Variants in SULT6B1 observed in about 807,000 individuals in gnomAD.
The protein encoded by SULT6B1 is sulfotransferase 6B1.
Under a neutral mutation model 37.2 loss-of-function variants are expected in SULT6B1, and 44 were observed. The observed-to-expected ratio is 1.18, with a 90% CI of 0.93 to 1.52. The LOEUF is 1.52. Among genes scored for constraint, SULT6B1 ranks in the 40% most tolerant of loss-of-function variants. The pLI, the probability that SULT6B1 is intolerant of heterozygous loss-of-function variation, is 0.00. For synonymous variants in SULT6B1, 140 were observed against 126.0 expected (o/e 1.11, Z -0.74); for missense variants, 450 against 361.0 (o/e 1.25, Z -2.00).
At chr2:37,179,605 T>A in intron 3 of SULT6B1, 21 bp from the exon 4 acceptor site, 1 of 1,606,954 alleles carries the variant, frequency 6.2e-7, no homozygotes, top group Non-Finnish European at 8.5e-7. Flanking sequence ...AAAATTGAGT[T>A]AATTTATTTG....
chr2:37,179,519 G>A lies in SULT6B1; in HGVS notation c.468C>T (p.Val156=). The part of the protein sequence containing the change: ...AVSFLHFHND[V]PDIPSYGSWD... ...AAGAGCCATAGCTTGGAATATCGGG[G>A]ACATCGTTGTGGAAATGCAAAAAAG... is the stretch of plus-strand genomic sequence containing the variant. Residue 156 remains valine, a synonymous_variant, in exon 4 of 7, where the codon GTC becomes GTT. Coordinates refer to ENST00000535679, the MANE Select transcript of SULT6B1 (RefSeq NM_001367551.1). 1 of 1,613,958 alleles carries A rather than the reference G, an allele frequency of 6.2e-7. No homozygotes were observed. The highest frequency in any genetic ancestry group is 8.5e-7 in the Non-Finnish European group (1 of 1,179,920).
chr2:37,179,363 T>C, intron 4 of SULT6B1, 95 bp downstream of exon 4: 1 of 1,527,972 alleles, frequency 6.5e-7, no homozygotes, highest in Middle Eastern at 1.7e-4. Context: ...CAGATCTACC[T>C]AAATCTTCTT....
rs11569745 is a variant in SULT6B1 at position 37,179,411 on chromosome 2, G to A, written c.529+47C>T. The stretch of plus-strand genomic sequence containing the variant: ...AACACATTTGGGTTTTCACATTTAT[G>A]TGGTCATCTGATCAAGTAAGAATAA... On this transcript the variant is annotated intron_variant, in intron 4 of 6. Transcript: ENST00000535679. 39 of 1,606,780 alleles carry A rather than the reference G, an allele frequency of 2.4e-5. No individual in the cohort carries two copies. The African/African-American group carries it at 3.5e-4, about 14-fold the overall frequency.
rs35100458 is a variant in SULT6B1 at position 37,174,227 on chromosome 2, CTTTTTTTTTT to C, written c.624+895_624+904del. On this transcript the variant is annotated intron_variant, in intron 5 of 6. Transcript: ENST00000535679. ...TAAGGTCTCTCCTAATCTTCCTATTCTTTTTTTTTTTTTTTTTTTTTTTTTGATACAGGAT... is the reference window on the plus strand; with the variant it reads ...TAAGGTCTCTCCTAATCTTCCTATTCTTTTTTTTTTTTTTTGATACAGGAT... Among the ~76,000 whole-genome samples the C allele has an allele frequency of 1.9e-4, 11 of 58,480 alleles. No homozygotes were observed. The East Asian group carries it at 4.0e-3, about 21-fold the overall frequency. The allele number at this position is 58,480 out of a possible 152,430, so 38.4% of individuals were successfully genotyped here.
intron 4 of SULT6B1, among the ~76,000 whole-genome samples, chr2:37,177,185 A>T (rs1676448818): frequency 6.6e-6 from 1 of 152,128 alleles, no homozygotes; most frequent in Admixed American, 6.6e-5. Flanking sequence ...GAGGGAGGAC[A>T]TTATGTTAAC....
chr2:37,178,208 C>A (rs1676471910), intron 4 of SULT6B1, among the ~76,000 whole-genome samples: 1 of 152,026 alleles, frequency 6.6e-6, no homozygotes, highest in Non-Finnish European at 1.5e-5. Flanking sequence ...CCATGCCTGG[C>A]TAATTTTGTA....
At chr2:37,192,807 A>G (rs1676809841), upstream of SULT6B1, among the ~76,000 whole-genome samples, 1 of 152,224 alleles carries the variant, frequency 6.6e-6, no homozygotes, top group Non-Finnish European at 1.5e-5. Flanking sequence ...CTGTAATTAT[A>G]GGAGGATTTA....
chr2:37,179,662 T>C (rs1215032426), intron 3 of SULT6B1, 78 bp from the exon 4 acceptor site: 4 of 1,258,902 alleles, frequency 3.2e-6, no homozygotes, highest in African/African-American at 1.5e-5. Flanking sequence ...AGCAATATCA[T>C]CATGTCCACT....
At chr2:37,194,396 T>C (rs2148305524) in intron 1 of SULT6B1, 1 of 395,188 alleles carries the variant, frequency 2.5e-6, no homozygotes. Flanking sequence ...CTGTAGATTT[T>C]TGAAAGTGGT....
At chr2:37,175,305 A>T (rs1233942883) in intron 4 of SULT6B1, 79 bp from the exon 5 acceptor site, 1 of 758,940 alleles carries the variant, frequency 1.3e-6, no homozygotes, top group African/African-American at 1.8e-5. Flanking sequence ...GCTATAAAAT[A>T]TAAACTATAC....
chr2:37,182,543 G>T (rs1183510878), intron 3 of SULT6B1, among the ~76,000 whole-genome samples: 1 of 152,140 alleles, frequency 6.6e-6, no homozygotes, highest in Non-Finnish European at 1.5e-5. Flanking sequence ...TGGCCAGGCT[G>T]GTCTCGAACT....
upstream of SULT6B1, among the ~76,000 whole-genome samples, chr2:37,193,582 A>G (rs146241470): frequency 8.7e-3 from 1,093 of 125,194 alleles, 20 homozygotes; most frequent in East Asian, 0.061. Flanking sequence ...AAAAGAAGAA[A>G]AAGAAGAAGA....
At chr2:37,192,835 G>T (rs1676810369), upstream of SULT6B1, among the ~76,000 whole-genome samples, 1 of 152,166 alleles carries the variant, frequency 6.6e-6, no homozygotes, top group African/African-American at 2.4e-5. Context: ...CTTTGGGATT[G>T]GTAATGGGAA....
At chr2:37,168,563 C>T (rs781758888) in intron 6 of SULT6B1, among the ~76,000 whole-genome samples, 4 of 152,184 alleles carry the variant, frequency 2.6e-5, no homozygotes, top group Admixed American at 6.5e-5. Flanking sequence ...TTCTTTACAT[C>T]ACTAGGGGGA....
At chr2:37,172,436 A>T (rs1178143869) in intron 5 of SULT6B1, among the ~76,000 whole-genome samples, 2 of 152,212 alleles carry the variant, frequency 1.3e-5, no homozygotes, top group East Asian at 3.8e-4. Flanking sequence ...CAGAAACATT[A>T]TTCTAAACTA....
Position 37,171,431 on chromosome 2 carries a change from T to A in SULT6B1, c.781+3A>T. 1 of 1,612,780 alleles carries A rather than the reference T, an allele frequency of 6.2e-7. No individual in the cohort carries two copies. The highest frequency in any genetic ancestry group is 8.5e-7 in the Non-Finnish European group (1 of 1,179,486). ...ACAATCCCAGAAACCAATGCGACTT[T>A]ACCTTTGCGGAAAAGGAATGGGCCG... On this transcript the variant is annotated splice_donor_region_variant and intron_variant, in intron 6 of 6. Transcript: ENST00000535679.
chr2:37,178,084 G>T (rs1381468420), intron 4 of SULT6B1, among the ~76,000 whole-genome samples: 1 of 151,982 alleles, frequency 6.6e-6, no homozygotes, highest in Non-Finnish European at 1.5e-5. Context: ...CACTCTTGTT[G>T]CCCAGGCTGG....
intron 6 of SULT6B1, among the ~76,000 whole-genome samples, 156 bp downstream of exon 6, chr2:37,171,278 G>T (rs1676291616): frequency 6.6e-6 from 1 of 152,088 alleles, no homozygotes; most frequent in Non-Finnish European, 1.5e-5. Flanking sequence ...GTATGGGGCT[G>T]CCAGTTACAG....
At chr2:37,188,341 T>C in intron 1 of SULT6B1, 101 bp downstream of exon 1, 1 of 942,614 alleles carries the variant, frequency 1.1e-6, no homozygotes, top group Non-Finnish European at 1.6e-6. Context: ...CTCAGACAGA[T>C]TCCTGCAATG....
Sources: gnomAD v4.1 joint callset for allele counts (sites outside exome capture counted in the v4.1 genomes callset) on GRCh38, gnomAD v4.1.1 for gene constraint, MANE v1.5 for transcripts, NCBI Gene and HGNC (gene_info 2026-07-23, HGNC 2026-07-21) for gene names.